PACRG: variants seen among roughly 807,000 people sequenced by gnomAD.
The protein encoded by PACRG is parkin coregulated, also known as parkin coregulated gene protein.
PACRG carries 29 observed loss-of-function variants against 29.7 expected under a neutral mutation model. The ratio of observed to expected loss-of-function variants is 0.98; its 90% CI spans 0.73 to 1.33. PACRG has a LOEUF of 1.33. Ranked by LOEUF, PACRG falls within the 40% of genes most tolerant of loss-of-function variation. The pLI is 0.00. For missense variants in PACRG, 279 were observed against 316.2 expected (o/e 0.88, Z 0.89); for synonymous variants, 116 against 118.7 (o/e 0.98, Z 0.15).
chr6:162,727,513 CCGGCGGCGCGGGCCGGGGA>C, upstream of PACRG: 2 of 872,536 alleles, frequency 2.3e-6, no homozygotes, highest in Non-Finnish European at 3.5e-6. Context: ...GCTGGGGAGC[CCGGCGGCGCGGGCCGGGGA>C]CGGCACGGGC....
chr6:162,741,422 G>C (rs1226519213), intron 1 of PACRG, among the ~76,000 whole-genome samples: 2 of 152,146 alleles, frequency 1.3e-5, no homozygotes, highest in African/African-American at 4.8e-5. Context: ...TTGGCTCTTG[G>C]TGAGGGCTCT....
chr6:162,752,904 T>G (rs188409103), intron 1 of PACRG, among the ~76,000 whole-genome samples: 1 of 152,326 alleles, frequency 6.6e-6, no homozygotes, highest in Non-Finnish European at 1.5e-5. Flanking sequence ...TTCCACCATA[T>G]ACTTTATTTT....
At position 163,055,159 on chromosome 6, in the gene PACRG, A is replaced by C. The variant is rs776255782; in HGVS notation, c.292-6991A>C. ...AGTGATGATAAAGAATTCTCTTGAA[A>C]AACTTTACTATGAAGAATAATGTGG... On this transcript the variant is annotated intron_variant, in intron 2 of 4. Transcript: ENST00000366888. This position sits in a 1 kb window ranked among gnomAD's most constrained non-coding sequence, Gnocchi z 4.0. 2.6e-5 allele frequency among the ~76,000 whole-genome samples: 4 copies of C among 152,224 alleles called. 1 individual carries two copies. The highest frequency in any genetic ancestry group is 5.9e-5 in the Non-Finnish European group (4 of 68,032).
intron 2 of PACRG, among the ~76,000 whole-genome samples, chr6:163,030,000 C>A (rs1436461545): frequency 6.6e-6 from 1 of 152,084 alleles, no homozygotes; most frequent in Non-Finnish European, 1.5e-5. Flanking sequence ...TCATAGATAC[C>A]AGAAACTTCA....
In PACRG at chr6:163,293,053, A is replaced by AT. The variant is rs543416988; in HGVS notation, c.614-21771dup. ...CATTTTCCCAGTGTATCCAGGGATTATTTGAGTCACCAGAAAAGATTTTTC... is the reference window on the plus strand; with the variant it reads ...CATTTTCCCAGTGTATCCAGGGATTATTTTGAGTCACCAGAAAAGATTTTTC... On this transcript the variant is annotated intron_variant, in intron 4 of 4. Coordinates refer to ENST00000366888, the MANE Select transcript of PACRG (RefSeq NM_001080379.2). Among the ~76,000 whole-genome samples, 115 of 152,336 alleles carry AT rather than the reference A, an allele frequency of 7.5e-4. 1 individual carries two copies. In the East Asian group the frequency reaches 0.012, roughly 15 times the overall value.
intron 2 of PACRG, among the ~76,000 whole-genome samples, chr6:162,925,710 T>G (rs1584771541): frequency 6.6e-6 from 1 of 152,274 alleles, no homozygotes. Context: ...TCATACTGAA[T>G]GGACAAAAGC....
At chr6:163,290,579 A>C (rs1399839047) in intron 4 of PACRG, among the ~76,000 whole-genome samples, 1 of 152,134 alleles carries the variant, frequency 6.6e-6, no homozygotes, top group Non-Finnish European at 1.5e-5. Flanking sequence ...TGGGCAAACC[A>C]CTTCACTTCT....
rs1278042562 is a variant in PACRG at position 163,269,827 on chromosome 6, GAAAGAAAGAA to G, written c.614-44988_614-44979del. Among the ~76,000 whole-genome samples the G allele has an allele frequency of 2.2e-4, 7 of 32,088 alleles. 1 individual carries two copies. Among genetic ancestry groups the G allele is most frequent in the African/African-American group, 7.9e-4 (7 of 8,862 alleles). 21.1% of individuals were successfully genotyped at this position (32,088 alleles called of 152,430 possible). A position where few individuals can be genotyped will look rare whatever the true frequency, so the allele number is the denominator to read the frequency against. On this transcript the variant is annotated intron_variant, in intron 4 of 4. Transcript: ENST00000366888. ...AAGGAAGGAAGGAAGGAAGGAGAAAGAAAGAAAGAAAAAGAAAGAAAGAAAGAAAGAGAAA... is the reference window on the plus strand; with the variant it reads ...AAGGAAGGAAGGAAGGAAGGAGAAAGAAAGAAAGAAAGAAAGAAAGAGAAA...
intron 2 of PACRG, among the ~76,000 whole-genome samples, chr6:162,912,922 CAA>C (rs67714057): frequency 2.8e-5 from 3 of 108,634 alleles, no homozygotes; most frequent in Non-Finnish European, 4.2e-5. Flanking sequence ...AACAAACAAA[CAA>C]AAAAAAAAAA....
At chr6:162,876,233 G>A (rs779935710) in intron 2 of PACRG, among the ~76,000 whole-genome samples, 16 of 152,204 alleles carry the variant, frequency 1.1e-4, no homozygotes, top group Non-Finnish European at 1.3e-4. Flanking sequence ...TTACACTACT[G>A]TGAAGCTTTC....
At chr6:163,270,542 T>A (rs1412465406) in intron 4 of PACRG, among the ~76,000 whole-genome samples, 1 of 151,996 alleles carries the variant, frequency 6.6e-6, no homozygotes, top group Non-Finnish European at 1.5e-5. Flanking sequence ...GACTAATTTT[T>A]TTTTTTATTT....
intron 2 of PACRG, among the ~76,000 whole-genome samples, chr6:162,914,382 G>A (rs755770571): frequency 6.6e-6 from 1 of 151,910 alleles, no homozygotes. Context: ...TAGAATAGAC[G>A]GTCCAGAAGT....
At chr6:162,747,488 A>ATATATG (rs1426071012) in intron 1 of PACRG, among the ~76,000 whole-genome samples, 7 of 126,724 alleles carry the variant, frequency 5.5e-5, no homozygotes, top group Admixed American at 8.5e-5. Flanking sequence ...ATATATATAT[A>ATATATG]TATATTCCAT....
At chr6:163,297,944 G>A (rs549561938) in intron 4 of PACRG, among the ~76,000 whole-genome samples, 9 of 152,280 alleles carry the variant, frequency 5.9e-5, no homozygotes, top group South Asian at 2.1e-4. Context: ...ACCGTGCAGT[G>A]TCCTCTGCAT....
At position 163,022,685 on chromosome 6, in the gene PACRG, G is replaced by A. The variant is rs192342259; in HGVS notation, c.292-39465G>A. On this transcript the variant is annotated intron_variant, in intron 2 of 4. Coordinates refer to ENST00000366888, the MANE Select transcript of PACRG (RefSeq NM_001080379.2). ...AATTAACTGTAGCACTGAACCCACAGTTATGTGGATTATTTGCCATTTTCC... is the reference window on the plus strand; with the variant it reads ...AATTAACTGTAGCACTGAACCCACAATTATGTGGATTATTTGCCATTTTCC... Among the ~76,000 whole-genome samples, 11 of 152,364 alleles carry A rather than the reference G, an allele frequency of 7.2e-5. No individual in the cohort carries two copies. The East Asian group carries it at 2.1e-3, about 29-fold the overall frequency.
chr6:163,244,920 C>T (rs1183562244), intron 4 of PACRG: 4 of 330,798 alleles, frequency 1.2e-5, no homozygotes, highest in Non-Finnish European at 1.2e-5. Context: ...ATTAATTCCC[C>T]GTTATGCTTC....
intron 2 of PACRG, among the ~76,000 whole-genome samples, chr6:162,915,577 T>C (rs1368806019): frequency 6.6e-6 from 1 of 152,070 alleles, no homozygotes; most frequent in Non-Finnish European, 1.5e-5. Context: ...CGTTTTCTCT[T>C]TGTACCATGT....
chr6:162,937,633 A>G (rs1798327877), intron 2 of PACRG, among the ~76,000 whole-genome samples: 1 of 152,168 alleles, frequency 6.6e-6, no homozygotes, highest in Admixed American at 6.5e-5. Context: ...TTCCATTGTA[A>G]GTATGGTCGT....
chr6:162,759,146 T>C (rs1782156680), intron 1 of PACRG, among the ~76,000 whole-genome samples: 1 of 152,200 alleles, frequency 6.6e-6, no homozygotes, highest in Non-Finnish European at 1.5e-5. Flanking sequence ...CACAGAGATA[T>C]TCAGATGTTT....
Sources: gnomAD v4.1 joint callset for allele counts (sites outside exome capture counted in the v4.1 genomes callset) on GRCh38, gnomAD v4.1.1 for gene constraint, Gnocchi (gnomAD v3.1) non-coding constraint, MANE v1.5 for transcripts, NCBI Gene and HGNC (gene_info 2026-07-23, HGNC 2026-07-21) for gene names.